HS6ST3: variants seen among roughly 807,000 people sequenced by gnomAD.
HS6ST3 encodes heparan sulfate 6-O-sulfotransferase 3, also known as heparan-sulfate 6-O-sulfotransferase 3.
A neutral mutation model predicts 36.7 loss-of-function variants in HS6ST3; 12 were observed. The observed-to-expected ratio is 0.33, with a 90% CI of 0.21 to 0.53. The LOEUF (loss-of-function observed/expected upper bound fraction) is 0.53. Ranked by LOEUF, HS6ST3 falls within the 20% of genes least tolerant of loss-of-function variation. The probability of loss-of-function intolerance (pLI) is 0.95; values close to 1 mark genes in which losing one functional copy is unlikely to be tolerated. For missense variants in HS6ST3, 584 were observed against 640.9 expected (o/e 0.91, Z 0.96); for synonymous variants, 240 against 257.5 (o/e 0.93, Z 0.65).
intron 1 of HS6ST3, among the ~76,000 whole-genome samples, chr13:96,153,449 G>A (rs142183603): frequency 1.1e-3 from 169 of 152,278 alleles, no homozygotes; most frequent in Non-Finnish European, 2.1e-3. Context: ...CTCTCAGGGT[G>A]TCTCTTCCCC....
chr13:96,544,524 CTT>C (rs1223183803), intron 1 of HS6ST3, among the ~76,000 whole-genome samples: 1 of 152,166 alleles, frequency 6.6e-6, no homozygotes. Flanking sequence ...AGAGTGAGCA[CTT>C]TGCCACTGAA....
At chr13:96,468,449 A>T (rs1388718112) in intron 1 of HS6ST3, among the ~76,000 whole-genome samples, 2 of 147,120 alleles carry the variant, frequency 1.4e-5, no homozygotes, top group Non-Finnish European at 3.0e-5. Flanking sequence ...TTTGAATTTT[A>T]TTTAACATTT....
At chr13:96,556,085 C>T (rs1295016872) in intron 1 of HS6ST3, among the ~76,000 whole-genome samples, 1 of 152,154 alleles carries the variant, frequency 6.6e-6, no homozygotes, top group Non-Finnish European at 1.5e-5. Flanking sequence ...GTCTGAAGGT[C>T]AAGGTGGCCC....
At chr13:96,413,913 A>T (rs2055520514) in intron 1 of HS6ST3, among the ~76,000 whole-genome samples, 1 of 152,246 alleles carries the variant, frequency 6.6e-6, no homozygotes, top group Admixed American at 6.5e-5. Context: ...TGAAAAATAG[A>T]TTGTTAGCAC....
chr13:96,833,069 G>A lies in HS6ST3; in HGVS notation c.1287G>A (p.Arg429=). ...YHHTKQLEHQ[R]DRQKRREERR... is the part of the protein sequence containing the mutation. ...ACACCAAGCAGCTAGAGCACCAGAG[G>A]GACCGCCAGAAGCGGCGGGAGGAGC... The change falls in exon 2 of 2, where the codon AGG becomes AGA. Residue 429 remains arginine, a synonymous_variant. Transcript: ENST00000376705. 6.2e-7 allele frequency: 1 copy of A among 1,612,740 alleles called. No homozygotes were observed. Among genetic ancestry groups the A allele is most frequent in the Non-Finnish European group, 8.5e-7 (1 of 1,180,018 alleles).
rs1878972792 is a variant in HS6ST3, at chr13:96,837,873, T to G, written c.*4675T>G. 6 of 150,622 alleles carry G rather than the reference T, an allele frequency of 4.0e-5. No homozygotes were observed. Among genetic ancestry groups the G allele is most frequent in the Admixed American group, 4.0e-4 (6 of 15,168 alleles). The allele number at this position is 150,622 out of a possible 1,614,324, so 9.3% of individuals were successfully genotyped here. A position where few individuals can be genotyped will look rare whatever the true frequency, so the allele number is the denominator to read the frequency against. On this transcript the variant is annotated 3_prime_UTR_variant, in exon 2 of 2. Transcript: ENST00000376705. The stretch of plus-strand genomic sequence containing the variant: ...AAAAAAAAAGAAAGAAAACTCTCCC[T>G]TTTTAATGTCTTCTTCCCCAGGCTC...
At chr13:96,390,963 A>G (rs973737972) in intron 1 of HS6ST3, among the ~76,000 whole-genome samples, 3 of 152,124 alleles carry the variant, frequency 2.0e-5, no homozygotes, top group Non-Finnish European at 2.9e-5. Context: ...CCCTAGTTCC[A>G]TTGCAGCCAC....
intron 1 of HS6ST3, among the ~76,000 whole-genome samples, chr13:96,155,513 T>G (rs1336046883): frequency 6.6e-6 from 1 of 152,190 alleles, no homozygotes; most frequent in African/African-American, 2.4e-5. Context: ...AATACAAGTT[T>G]TGATTGGGAT....
At chr13:96,291,668 A>G (rs1464106269) in intron 1 of HS6ST3, among the ~76,000 whole-genome samples, 1 of 152,212 alleles carries the variant, frequency 6.6e-6, no homozygotes, top group Admixed American at 6.5e-5. Context: ...TAATAATATG[A>G]AGTTATCGAA....
At chr13:96,110,834 G>A (rs1456827446) in intron 1 of HS6ST3, among the ~76,000 whole-genome samples, 1 of 152,132 alleles carries the variant, frequency 6.6e-6, no homozygotes, top group Non-Finnish European at 1.5e-5. Flanking sequence ...AGAATAAAGA[G>A]TGGTTAATTT....
intron 1 of HS6ST3, among the ~76,000 whole-genome samples, chr13:96,558,259 C>G (rs562095217): frequency 6.6e-6 from 1 of 152,134 alleles, no homozygotes; most frequent in Admixed American, 6.5e-5. Context: ...TGATAATGCT[C>G]AAATTGAGAT....
At chr13:96,763,372 T>G (rs531591788) in intron 1 of HS6ST3, among the ~76,000 whole-genome samples, 120 of 150,708 alleles carry the variant, frequency 8.0e-4, no homozygotes, top group African/African-American at 2.7e-3. Context: ...ACACCTCTAA[T>G]CCCAGCTACT....
chr13:96,727,901 T>C (rs2138474209), intron 1 of HS6ST3, among the ~76,000 whole-genome samples: 2 of 152,354 alleles, frequency 1.3e-5, no homozygotes, highest in Middle Eastern at 3.4e-3. Context: ...TCAAATTTTA[T>C]TTCCACTGCC....
chr13:96,207,717 C>T (rs1253451765), intron 1 of HS6ST3, among the ~76,000 whole-genome samples: 1 of 152,128 alleles, frequency 6.6e-6, no homozygotes, highest in African/African-American at 2.4e-5. Context: ...CTTCAGCAAA[C>T]TAATGCAACA....
intron 1 of HS6ST3, among the ~76,000 whole-genome samples, chr13:96,491,472 CAAAAAAA>C (rs10632047): frequency 8.1e-6 from 1 of 123,694 alleles, no homozygotes; most frequent in Non-Finnish European, 1.6e-5. Context: ...TACTAATGTG[CAAAAAAA>C]AAAAAAAAAA....
chr13:96,131,243 A>AT (rs1489927251), intron 1 of HS6ST3, among the ~76,000 whole-genome samples: 1 of 152,140 alleles, frequency 6.6e-6, no homozygotes, highest in Non-Finnish European at 1.5e-5. Flanking sequence ...AGAAGAGTAT[A>AT]TTTTACTTTA....
At chr13:96,108,094 C>T (rs563530483) in intron 1 of HS6ST3, among the ~76,000 whole-genome samples, 7 of 152,038 alleles carry the variant, frequency 4.6e-5, no homozygotes, top group African/African-American at 9.7e-5. Flanking sequence ...CTCTTATTGC[C>T]GAAAACGGGT....
intron 1 of HS6ST3, among the ~76,000 whole-genome samples, chr13:96,261,208 G>T (rs550215863): frequency 1.3e-5 from 2 of 151,292 alleles, no homozygotes; most frequent in East Asian, 1.9e-4. Flanking sequence ...CATATAATAG[G>T]AACTGATTGT....
chr13:96,462,002 G>C (rs1053213917), intron 1 of HS6ST3, among the ~76,000 whole-genome samples: 1 of 152,196 alleles, frequency 6.6e-6, no homozygotes, highest in Non-Finnish European at 1.5e-5. Context: ...GGAATGTTAA[G>C]TTGATTTAAA....
Sources: allele counts gnomAD v4.1 joint callset (sites outside exome capture counted in the v4.1 genomes callset), GRCh38; gene constraint gnomAD v4.1.1; transcripts MANE v1.5; gene names NCBI Gene and HGNC (gene_info 2026-07-23, HGNC 2026-07-21).